Variants in PDE11A observed in about 807,000 individuals in gnomAD.
PDE11A encodes phosphodiesterase 11A, also known as dual 3',5'-cyclic-AMP and -GMP phosphodiesterase 11A.
A neutral mutation model predicts 100.5 loss-of-function variants in PDE11A; 100 were observed. That is an observed-to-expected ratio of 1.00 (90% CI 0.85 to 1.18). The LOEUF (loss-of-function observed/expected upper bound fraction) is 1.18, where lower values mean the gene tolerates loss of function less well. Among genes scored for constraint, PDE11A ranks in the 50% most tolerant of loss-of-function variants. PDE11A has a pLI of 0.00. For missense variants in PDE11A, 1,141 were observed against 1,152.6 expected, an observed-to-expected ratio of 0.99 and a Z score of 0.15; for synonymous variants, 381 against 420.8, an observed-to-expected ratio of 0.91 and a Z score of 1.16.
chr2:177,905,901 G>A (rs1359717818), intron 2 of PDE11A, among the ~76,000 whole-genome samples: 1 of 152,190 alleles, frequency 6.6e-6, no homozygotes, highest in African/African-American at 2.4e-5. Context: ...ACACCCAGCC[G>A]TGATGGGCCT....
intron 5 of PDE11A, among the ~76,000 whole-genome samples, chr2:177,859,927 A>G (rs530775340): frequency 3.3e-4 from 50 of 152,062 alleles, no homozygotes; most frequent in South Asian, 8.3e-4. Flanking sequence ...AAAATAAAAC[A>G]TACCAAAATA....
chr2:177,897,454 G>T (rs2084628233), intron 4 of PDE11A, among the ~76,000 whole-genome samples: 1 of 152,128 alleles, frequency 6.6e-6, no homozygotes, highest in Admixed American at 6.6e-5. Context: ...ACCTGGTAAG[G>T]CTACTTTGTG....
intron 2 of PDE11A, among the ~76,000 whole-genome samples, chr2:177,921,254 T>C (rs752123240): frequency 1.6e-4 from 25 of 151,788 alleles, no homozygotes; most frequent in Non-Finnish European, 3.2e-4. Flanking sequence ...CATGTAACTA[T>C]AAATTTTAAT....
intron 2 of PDE11A, among the ~76,000 whole-genome samples, chr2:177,911,744 C>T (rs533953016): frequency 4.6e-5 from 7 of 152,062 alleles, no homozygotes; most frequent in Admixed American, 1.3e-4. Flanking sequence ...ATTAGCTGGC[C>T]GTGGTGGTGT....
intron 9 of PDE11A, among the ~76,000 whole-genome samples, chr2:177,794,137 G>A (rs1267548418): frequency 1.3e-5 from 2 of 151,994 alleles, no homozygotes; most frequent in African/African-American, 4.8e-5. Flanking sequence ...AACAAAGCAG[G>A]GAAGGGAGAT....
chr2:177,840,264 C>T lies in PDE11A; in HGVS notation c.1487G>A (p.Arg496His), dbSNP rs372031081. The T allele has an allele frequency of 2.5e-5, 40 of 1,613,978 alleles. No individual in the cohort carries two copies. In the African/African-American group the frequency reaches 2.7e-4, roughly 11 times the overall value. Residue 496 changes from arginine (R) to histidine (H), a missense_variant, in exon 6 of 20, where the codon CGC (arginine) becomes CAC (histidine). Physicochemically the swap from Arg to His is conservative, Grantham distance 29. Coordinates refer to ENST00000286063, the MANE Select transcript of PDE11A (RefSeq NM_016953.4). ...GGCTCCTCTTACCTCTGCATCAAAG[C>T]GCGGATCCTGGTAGGCATCACTGAT... is the stretch of plus-strand genomic sequence containing the variant. Reference protein sequence around the residue: ...VNISDAYQDPRFDAEADQISG... With the variant: ...VNISDAYQDPHFDAEADQISG...
chr2:177,809,580 GC>G (rs890013946), intron 9 of PDE11A, among the ~76,000 whole-genome samples: 57 of 141,510 alleles, frequency 4.0e-4, no homozygotes, highest in African/African-American at 1.5e-3. Flanking sequence ...CTAAGACTTT[GC>G]CCTTTCATCC....
At chr2:177,837,591 C>A (rs1054777419) in intron 6 of PDE11A, among the ~76,000 whole-genome samples, 2 of 151,570 alleles carry the variant, frequency 1.3e-5, no homozygotes, top group Non-Finnish European at 2.9e-5. Flanking sequence ...TGAGTACTTT[C>A]AAGTTAATAG....
In PDE11A at chr2:177,949,032, A is replaced by G. The variant is rs2085476320; in HGVS notation, c.1072-43845T>C. ...TATTTAAAATGTTTAATCACAAGAT[A>G]TAAACTAATATAAAACATCTTAAAA... is the stretch of plus-strand genomic sequence containing the variant. On this transcript the variant is annotated intron_variant, in intron 2 of 19. Transcript: ENST00000286063. Among the ~76,000 whole-genome samples, 3 of 152,364 alleles carry G rather than the reference A, an allele frequency of 2.0e-5. No individual in the cohort carries two copies. In the South Asian group the frequency reaches 6.2e-4, roughly 32 times the overall value.
At chr2:177,706,865 G>A (rs143284730) in intron 13 of PDE11A, among the ~76,000 whole-genome samples, 10 of 150,348 alleles carry the variant, frequency 6.7e-5, no homozygotes, top group African/African-American at 2.2e-4. Context: ...TCTTATACAA[G>A]CAACCTGAGA....
intron 9 of PDE11A, among the ~76,000 whole-genome samples, chr2:177,774,655 T>C (rs1454843586): frequency 6.6e-6 from 1 of 152,230 alleles, no homozygotes; most frequent in Non-Finnish European, 1.5e-5. Flanking sequence ...TACACCATCG[T>C]TGTGTTGATA....
intron 19 of PDE11A, among the ~76,000 whole-genome samples, chr2:177,649,993 C>T (rs2080284708): frequency 6.6e-6 from 1 of 152,148 alleles, no homozygotes; most frequent in Non-Finnish European, 1.5e-5. Context: ...AGTAGAAATG[C>T]TTATTTCCAC....
intron 10 of PDE11A, among the ~76,000 whole-genome samples, chr2:177,729,255 G>A (rs981133237): frequency 4.6e-5 from 7 of 152,092 alleles, no homozygotes; most frequent in African/African-American, 1.4e-4. Context: ...CTCTCTATCA[G>A]TTGTCTAAGT....
At chr2:177,802,439 A>G (rs1445570328) in intron 9 of PDE11A, among the ~76,000 whole-genome samples, 1 of 152,118 alleles carries the variant, frequency 6.6e-6, no homozygotes, top group African/African-American at 2.4e-5. Context: ...CACAGCCCCA[A>G]AATGGAAATA....
chr2:178,025,231 G>A (rs1238597130), intron 1 of PDE11A, among the ~76,000 whole-genome samples: 1 of 152,204 alleles, frequency 6.6e-6, no homozygotes, highest in African/African-American at 2.4e-5. Context: ...ACCTGAAGTG[G>A]TGTAGTTGGA....
intron 9 of PDE11A, among the ~76,000 whole-genome samples, chr2:177,782,529 T>C (rs1051537146): frequency 1.3e-5 from 2 of 152,222 alleles, no homozygotes; most frequent in African/African-American, 4.8e-5. Flanking sequence ...ACTATGGAAA[T>C]TCAAAGCCTT....
rs557844832 is a variant in PDE11A at position 177,805,519 on chromosome 2, C to T, written c.1737+11310G>A. Reference sequence around the variant, plus strand: ...TAACAACATTAATTTCAAACTAAGTCGATTCCAAGGTCAAATCAATGAAGT... The same window carrying T: ...TAACAACATTAATTTCAAACTAAGTTGATTCCAAGGTCAAATCAATGAAGT... On this transcript the variant is annotated intron_variant, in intron 9 of 19. Transcript: ENST00000286063. Among the ~76,000 whole-genome samples the T allele has an allele frequency of 6.6e-5, 10 of 152,130 alleles. No individual in the cohort carries two copies. The South Asian group carries it at 1.7e-3, about 25-fold the overall frequency.
chr2:178,042,385 G>A (rs964025505), intron 1 of PDE11A, among the ~76,000 whole-genome samples: 7 of 151,906 alleles, frequency 4.6e-5, no homozygotes, highest in Non-Finnish European at 2.9e-5. Context: ...AGCGGAGGCT[G>A]GAAGATGGCT....
At chr2:178,099,446 GAAAAAAAAAAA>G (rs201692711) in intron 2 of PDE11A, among the ~76,000 whole-genome samples, 2 of 84,556 alleles carry the variant, frequency 2.4e-5, no homozygotes, top group African/African-American at 4.4e-5. Flanking sequence ...CATCTCAAGA[GAAAAAAAAAAA>G]AAAAAAAAAA....
Sources: gnomAD v4.1 joint callset for allele counts (sites outside exome capture counted in the v4.1 genomes callset) on GRCh38, gnomAD v4.1.1 for gene constraint, MANE v1.5 for transcripts, NCBI Gene and HGNC (gene_info 2026-07-23, HGNC 2026-07-21) for gene names.